The following SLC24A2 variants were observed in gnomAD, a reference collection of about 807,000 sequenced individuals.
The protein encoded by SLC24A2 is solute carrier family 24 member 2.
SLC24A2 carries 36 observed loss-of-function variants against 62.0 expected under a neutral mutation model. The ratio of observed to expected loss-of-function variants is 0.58; its 90% confidence interval spans 0.44 to 0.77. The LOEUF (loss-of-function observed/expected upper bound fraction) is 0.77, where lower values mean the gene tolerates loss of function less well. Among genes scored for constraint, SLC24A2 ranks in the 30% least tolerant of loss-of-function variants. SLC24A2 has a pLI of 0.00. For synonymous variants in SLC24A2, 358 were observed against 294.0 expected (o/e 1.22, Z -2.23); for missense variants, 846 against 817.9 (o/e 1.03, Z -0.42).
chr9:19,666,013 A>T (rs574942360), intron 2 of SLC24A2, among the ~76,000 whole-genome samples: 1 of 152,240 alleles, frequency 6.6e-6, no homozygotes, highest in South Asian at 2.1e-4. Flanking sequence ...ATATGTAAAG[A>T]GCATATGGTA....
At chr9:20,304,132 T>A in the SLC24A2 span, among the ~76,000 whole-genome samples, 1 of 152,196 alleles carries the variant, frequency 6.6e-6, no homozygotes, top group Non-Finnish European at 1.5e-5. Flanking sequence ...GTTTCCACTC[T>A]GAAAACCTGG....
the SLC24A2 span, among the ~76,000 whole-genome samples, chr9:20,103,473 C>A: frequency 6.6e-6 from 1 of 152,206 alleles, no homozygotes; most frequent in African/African-American, 2.4e-5. Context: ...TGACACCTCA[C>A]ATGGCCAGGT....
At chr9:19,976,446 C>A in the SLC24A2 span, among the ~76,000 whole-genome samples, 6 of 152,288 alleles carry the variant, frequency 3.9e-5, no homozygotes, top group South Asian at 1.2e-3. Context: ...CACTCTCTCT[C>A]TTCTGCTCCA....
chr9:19,910,505 G>C, the SLC24A2 span, among the ~76,000 whole-genome samples: 4 of 151,934 alleles, frequency 2.6e-5, no homozygotes, highest in African/African-American at 7.3e-5. Context: ...ATTTCCTATA[G>C]GATAAAGTGC....
chr9:20,193,822 TTTTTG>T, the SLC24A2 span, among the ~76,000 whole-genome samples: 18 of 151,948 alleles, frequency 1.2e-4, no homozygotes, highest in Non-Finnish European at 1.6e-4. Flanking sequence ...CCCAAGAGGG[TTTTTG>T]TTTTGTTTTG....
the SLC24A2 span, among the ~76,000 whole-genome samples, chr9:20,007,879 CTTTTTTTTTTTTTTT>C: frequency 0.011 from 438 of 39,520 alleles, 7 homozygotes; most frequent in African/African-American, 0.043. Context: ...TTACTCCTCT[CTTTTTTTTTTTTTTT>C]TTTTTTTTTT....
At chr9:19,729,268 T>A (rs772307723) in intron 2 of SLC24A2, among the ~76,000 whole-genome samples, 1 of 152,092 alleles carries the variant, frequency 6.6e-6, no homozygotes, top group Admixed American at 6.6e-5. Flanking sequence ...ACACTGTTAG[T>A]AGGAATGTTA....
chr9:19,990,616 CA>C, the SLC24A2 span, among the ~76,000 whole-genome samples: 2,356 of 44,900 alleles, frequency 0.052, 53 homozygotes, highest in African/African-American at 0.12. Flanking sequence ...CCTAAAAAAA[CA>C]AAAAAAAAAA....
chr9:20,238,913 C>G, the SLC24A2 span, among the ~76,000 whole-genome samples: 1 of 152,170 alleles, frequency 6.6e-6, no homozygotes, highest in Admixed American at 6.5e-5. Context: ...CTCCCTATTC[C>G]TGTCTCTTCT....
intron 4 of SLC24A2, among the ~76,000 whole-genome samples, chr9:19,617,005 A>T (rs1817785108): frequency 6.6e-6 from 1 of 152,188 alleles, no homozygotes; most frequent in African/African-American, 2.4e-5. Flanking sequence ...TGTGACTAAA[A>T]CAGAGTGAAA....
chr9:20,066,517 C>T, the SLC24A2 span, among the ~76,000 whole-genome samples: 2 of 152,210 alleles, frequency 1.3e-5, no homozygotes, highest in East Asian at 1.9e-4. Flanking sequence ...TTGACTGTCT[C>T]ACTCTGTGTC....
chr9:19,631,387 C>T (rs1425688089), intron 2 of SLC24A2, among the ~76,000 whole-genome samples: 1 of 152,166 alleles, frequency 6.6e-6, no homozygotes, highest in Admixed American at 6.5e-5. Context: ...CTGACTAGGT[C>T]ACTACTTCCT....
At chr9:19,559,366 A>G (rs1167732386) in intron 7 of SLC24A2, among the ~76,000 whole-genome samples, 7 of 152,204 alleles carry the variant, frequency 4.6e-5, no homozygotes, top group South Asian at 2.1e-4. Flanking sequence ...CTCTCAGGCA[A>G]TGTGAATAAA....
chr9:20,055,815 G>C, the SLC24A2 span, among the ~76,000 whole-genome samples: 1 of 152,094 alleles, frequency 6.6e-6, no homozygotes. Flanking sequence ...CTTGAACCCA[G>C]GATGCGGAGG....
At chr9:19,785,790 G>C (rs1823146266) in intron 2 of SLC24A2, 147 bp downstream of exon 2, 12 of 1,027,160 alleles carry the variant, frequency 1.2e-5, no homozygotes, top group South Asian at 1.0e-4. Context: ...TGCTATGTTA[G>C]TCTAGCTATC....
chr9:19,609,571 T>C (rs1837087224), intron 4 of SLC24A2, among the ~76,000 whole-genome samples: 1 of 152,264 alleles, frequency 6.6e-6, no homozygotes, highest in South Asian at 2.1e-4. Flanking sequence ...TTAGATCTTT[T>C]ATGTTCTTCA....
the SLC24A2 span, among the ~76,000 whole-genome samples, chr9:19,807,591 G>A: frequency 1.7e-3 from 257 of 152,330 alleles, 1 homozygote; most frequent in African/African-American, 5.8e-3. Context: ...TACAAAGGCA[G>A]TATATTTGAA....
chr9:19,810,285 A>G, the SLC24A2 span, among the ~76,000 whole-genome samples: 17 of 152,354 alleles, frequency 1.1e-4, no homozygotes, highest in East Asian at 3.3e-3. Flanking sequence ...TCCACAGCAG[A>G]GGGTCCTCAG....
chr9:19,856,256 A>G, the SLC24A2 span, among the ~76,000 whole-genome samples: 5 of 152,086 alleles, frequency 3.3e-5, no homozygotes, highest in East Asian at 3.9e-4. Flanking sequence ...GAAGTTCATT[A>G]TTACCCACCT....
Sources: allele counts gnomAD v4.1 joint callset (sites outside exome capture counted in the v4.1 genomes callset), GRCh38; gene constraint gnomAD v4.1.1; transcripts MANE v1.5; gene names NCBI Gene and HGNC (gene_info 2026-07-23, HGNC 2026-07-21).